Variants in LRTM3 observed in about 807,000 individuals in gnomAD.
LRTM3 encodes leucine rich repeat transmembrane protein 3.
chr13:102,748,306 A>G, the LRTM3 span: 4 of 1,551,014 alleles, frequency 2.6e-6, no homozygotes, highest in Non-Finnish European at 3.5e-6. Context: ...TTTCCTTCAG[A>G]TTTACACTTT....
the LRTM3 span, chr13:102,741,580 A>AACCTCT: frequency 6.5e-7 from 1 of 1,550,290 alleles, no homozygotes; most frequent in Non-Finnish European, 8.7e-7. Flanking sequence ...GAGGTTCCAT[A>AACCTCT]ATGGGGCAGG....
chr13:102,731,257 G>A, the LRTM3 span: 2 of 1,551,310 alleles, frequency 1.3e-6, no homozygotes, highest in South Asian at 2.4e-5. Flanking sequence ...TATGTTTTGA[G>A]TTAGGTTCTA....
chr13:102,734,037 G>C, the LRTM3 span: 4 of 1,551,440 alleles, frequency 2.6e-6, no homozygotes, highest in Non-Finnish European at 3.5e-6. Context: ...GGTATAGAAA[G>C]AAAAGTCCTT....
At chr13:102,732,825 C>G in the LRTM3 span, 1 of 1,551,322 alleles carries the variant, frequency 6.4e-7, no homozygotes, top group South Asian at 1.2e-5. Context: ...ACAGTACTAT[C>G]ATTGTCCATT....
the LRTM3 span, chr13:102,750,123 A>C: frequency 1.9e-6 from 3 of 1,550,944 alleles, no homozygotes; most frequent in African/African-American, 2.7e-5. Flanking sequence ...TTGGAGGAAA[A>C]TTGTATTGTT....
the LRTM3 span, chr13:102,739,860 T>G: frequency 6.5e-7 from 1 of 1,550,190 alleles, no homozygotes; most frequent in Non-Finnish European, 8.7e-7. Context: ...ATTCTATGTT[T>G]CACATTGACC....
the LRTM3 span, chr13:102,742,509 G>A: frequency 1.3e-6 from 2 of 1,550,266 alleles, no homozygotes; most frequent in Non-Finnish European, 8.7e-7. Flanking sequence ...TGAAGTGGAT[G>A]TATCTTAGAG....
the LRTM3 span, chr13:102,735,347 G>A: frequency 1.9e-5 from 30 of 1,551,258 alleles, no homozygotes; most frequent in Non-Finnish European, 2.4e-5. Flanking sequence ...TTCTGGACAT[G>A]CTATTCTCCC....
chr13:102,749,872 T>A, the LRTM3 span: 1 of 1,551,452 alleles, frequency 6.4e-7, no homozygotes, highest in Non-Finnish European at 8.7e-7. Context: ...ACTCTTGAGA[T>A]CTTGAGCATT....
the LRTM3 span, chr13:102,738,779 A>G: frequency 4.5e-6 from 7 of 1,550,390 alleles, no homozygotes; most frequent in African/African-American, 9.6e-5. Flanking sequence ...GATGGAAGCA[A>G]AAGGTTTGCT....
the LRTM3 span, chr13:102,738,439 A>T: frequency 6.4e-7 from 1 of 1,550,770 alleles, no homozygotes; most frequent in African/African-American, 1.4e-5. Flanking sequence ...AAGCGCAGGC[A>T]TTTGTCAGAA....
the LRTM3 span, chr13:102,742,908 C>T: frequency 6.4e-7 from 1 of 1,550,610 alleles, no homozygotes; most frequent in Non-Finnish European, 8.7e-7. Flanking sequence ...TCACTCAGTT[C>T]TGCACAATTA....
At chr13:102,741,224 TTTGA>T in the LRTM3 span, 2 of 1,550,316 alleles carry the variant, frequency 1.3e-6, no homozygotes, top group Non-Finnish European at 1.7e-6. Flanking sequence ...AATATCCAAC[TTTGA>T]TTGCTCTTTT....
At chr13:102,749,265 T>A in the LRTM3 span, 1 of 1,550,978 alleles carries the variant, frequency 6.4e-7, no homozygotes, top group Non-Finnish European at 8.7e-7. Context: ...GGTGTTTTTC[T>A]TCTATTTTTC....
chr13:102,748,712 G>T, the LRTM3 span: 8 of 1,549,658 alleles, frequency 5.2e-6, no homozygotes, highest in Non-Finnish European at 7.0e-6. Context: ...AATTCCCTTT[G>T]CTTGTGTAAT....
chr13:102,729,814 A>G, the LRTM3 span: 1 of 1,551,872 alleles, frequency 6.4e-7, no homozygotes, highest in South Asian at 1.2e-5. Context: ...TACAACTGTA[A>G]TCGTGGTCCC....
chr13:102,732,708 T>C, the LRTM3 span: 3 of 1,551,212 alleles, frequency 1.9e-6, no homozygotes, highest in Non-Finnish European at 2.6e-6. Flanking sequence ...ATTCTTCCTC[T>C]CTCCTTCTCC....
the LRTM3 span, among the ~76,000 whole-genome samples, chr13:102,754,076 T>C: frequency 1.3e-5 from 2 of 151,870 alleles, no homozygotes; most frequent in African/African-American, 4.8e-5. Flanking sequence ...CATGGTGGCA[T>C]GCACCTGTAG....
At chr13:102,756,310 C>G in the LRTM3 span, among the ~76,000 whole-genome samples, 1 of 73,428 alleles carries the variant, frequency 1.4e-5, no homozygotes, top group Admixed American at 1.5e-4. Flanking sequence ...ATCCTTAGTT[C>G]GAAAAAAAAA....
Sources: gnomAD v4.1 joint callset for allele counts (sites outside exome capture counted in the v4.1 genomes callset) on GRCh38, gnomAD v4.1.1 for gene constraint, MANE v1.5 for transcripts, NCBI Gene and HGNC (gene_info 2026-07-23, HGNC 2026-07-21) for gene names.